MS4A6E: variants seen among roughly 807,000 people sequenced by gnomAD.
MS4A6E encodes the protein membrane spanning 4-domains A6E, also known as membrane-spanning 4-domains subfamily A member 6E.
Under a neutral mutation model 13.2 loss-of-function variants are expected in MS4A6E, and 8 were observed. That is an observed-to-expected ratio of 0.60 (90% CI 0.35 to 1.09). MS4A6E has a LOEUF of 1.09. MS4A6E is among the 50% of genes least tolerant of loss of function. MS4A6E has a pLI of 0.02. For missense variants in MS4A6E, 177 were observed against 171.1 expected, an observed-to-expected ratio of 1.03 and a Z score of -0.19; for synonymous variants, 72 against 67.6, an observed-to-expected ratio of 1.06 and a Z score of -0.32.
intron 1 of MS4A6E, among the ~76,000 whole-genome samples, chr11:60,330,631 G>A (rs1247172364): frequency 1.9e-4 from 29 of 152,026 alleles, no homozygotes; most frequent in Admixed American, 1.8e-3. Flanking sequence ...AAGCCACCGC[G>A]CCTGGCCAAT....
At chr11:60,343,823 G>A (rs2085243737), downstream of MS4A6E, among the ~76,000 whole-genome samples, 1 of 152,156 alleles carries the variant, frequency 6.6e-6, no homozygotes, top group African/African-American at 2.4e-5. Flanking sequence ...GGCTGTCAGA[G>A]GTTGCTCTCT....
At chr11:60,348,764 G>A (rs1246846393) in intron 4 of MS4A6E, among the ~76,000 whole-genome samples, 1 of 152,230 alleles carries the variant, frequency 6.6e-6, no homozygotes, top group Non-Finnish European at 1.5e-5. Context: ...CCAGTAACCT[G>A]GGGGATTGGC....
downstream of MS4A6E, among the ~76,000 whole-genome samples, chr11:60,346,052 T>C (rs2085254983): frequency 6.6e-6 from 1 of 152,140 alleles, no homozygotes; most frequent in Non-Finnish European, 1.5e-5. Context: ...TTTGAGCCAC[T>C]GGAGCTGGAG....
chr11:60,342,745 T>C (rs533725426), downstream of MS4A6E, among the ~76,000 whole-genome samples: 1 of 152,360 alleles, frequency 6.6e-6, no homozygotes, highest in Admixed American at 6.5e-5. Flanking sequence ...CCTTTTCTAT[T>C]GGCACAACTG....
downstream of MS4A6E, among the ~76,000 whole-genome samples, chr11:60,343,348 T>G (rs146337568): frequency 1.2e-4 from 18 of 152,312 alleles, no homozygotes; most frequent in Middle Eastern, 3.4e-3. Flanking sequence ...ACCTTTTTTT[T>G]GCATAAGTGT....
At chr11:60,328,629 T>A (rs2085134868) in intron 1 of MS4A6E, among the ~76,000 whole-genome samples, 1 of 152,146 alleles carries the variant, frequency 6.6e-6, no homozygotes, top group Admixed American at 6.5e-5. Context: ...GAGAAACTTA[T>A]GCTAAGTAAA....
At chr11:60,347,131 T>C (rs1464371685) in intron 4 of MS4A6E, among the ~76,000 whole-genome samples, 1 of 152,080 alleles carries the variant, frequency 6.6e-6, no homozygotes, top group Non-Finnish European at 1.5e-5. Flanking sequence ...GCTGGTGGCA[T>C]GGTTAGTGGG....
rs977092735 is a variant in MS4A6E at position 60,327,345 on chromosome 11, A to G, written c.-78A>G. Among the ~76,000 whole-genome samples the G allele has an allele frequency of 4.6e-5, 7 of 152,324 alleles. No homozygotes were observed. Among genetic ancestry groups the G allele is most frequent in the Admixed American group, 1.3e-4 (2 of 15,300 alleles). On this transcript the variant is annotated 5_prime_UTR_variant, in exon 1 of 5. Coordinates refer to ENST00000684409, the MANE Select transcript of MS4A6E (RefSeq NM_139249.4). Reference sequence around the variant, plus strand: ...CAAGATACCATCTTGGAAGCAAGCAACGTGACCCTAAGTAGATGCTGAACC... The same window carrying G: ...CAAGATACCATCTTGGAAGCAAGCAGCGTGACCCTAAGTAGATGCTGAACC...
In MS4A6E at chr11:60,340,913, C is replaced by T. The variant is rs935249240; in HGVS notation, c.*147C>T. ...AACCTAACCATTATAAAAAAGCAAA[C>T]TTGAGTTTCCTAAATGTAAGCATTT... On this transcript the variant is annotated 3_prime_UTR_variant, in exon 5 of 5. Transcript: ENST00000684409. 2.0e-5 allele frequency: 3 copies of T among 153,436 alleles called. No homozygotes were observed. The highest frequency in any genetic ancestry group is 7.2e-5 in the African/African-American group (3 of 41,450). 9.5% of individuals were successfully genotyped at this position (153,436 alleles called of 1,614,324 possible).
At chr11:60,331,481 CT>C (rs2085155530) in intron 1 of MS4A6E, among the ~76,000 whole-genome samples, 1 of 152,020 alleles carries the variant, frequency 6.6e-6, no homozygotes, top group Non-Finnish European at 1.5e-5. Flanking sequence ...ATGACACTGA[CT>C]TTTGTTTTTG....
chr11:60,334,218 C>T (rs1033427539), intron 1 of MS4A6E, among the ~76,000 whole-genome samples: 1 of 152,114 alleles, frequency 6.6e-6, no homozygotes, highest in African/African-American at 2.4e-5. Flanking sequence ...GTACTGAAGG[C>T]GGACACCAGG....
chr11:60,336,740 C>T (rs1293884334), intron 2 of MS4A6E, among the ~76,000 whole-genome samples: 1 of 152,078 alleles, frequency 6.6e-6, no homozygotes, highest in Non-Finnish European at 1.5e-5. Context: ...AAGAAGTGCC[C>T]ATATGGGATT....
intron 3 of MS4A6E, among the ~76,000 whole-genome samples, chr11:60,339,468 A>C (rs1054034705): frequency 2.0e-5 from 3 of 152,156 alleles, no homozygotes; most frequent in Non-Finnish European, 2.9e-5. Flanking sequence ...AGAAAGAAAG[A>C]GACTTGTCCA....
At chr11:60,339,460 A>G (rs1406430861) in intron 3 of MS4A6E, among the ~76,000 whole-genome samples, 1 of 152,190 alleles carries the variant, frequency 6.6e-6, no homozygotes, top group African/African-American at 2.4e-5. Flanking sequence ...GGAGCTAGAG[A>G]AAGAAAGAGA....
intron 2 of MS4A6E, 30 bp downstream of exon 2, chr11:60,335,072 G>T: frequency 6.2e-7 from 1 of 1,612,298 alleles, no homozygotes; most frequent in Non-Finnish European, 8.5e-7. Flanking sequence ...TGTTGGAGAG[G>T]GGTTAGGGGA....
rs1360634478 is a variant in MS4A6E at position 60,337,785 on chromosome 11, C to T, written c.192C>T (p.Ala64=). The T allele has an allele frequency of 1.9e-6, 3 of 1,614,034 alleles. No homozygotes were observed. In the African/African-American group the frequency reaches 4.0e-5, roughly 22 times the overall value. The change falls in exon 3 of 5, where the codon GCC becomes GCT. Residue 64 remains alanine (A), a synonymous_variant. Coordinates refer to ENST00000684409, the MANE Select transcript of MS4A6E (RefSeq NM_139249.4). ...LAGSILSALS[A]LVGFILLSVN... ...GAAGCATTCTGAGTGCTCTGTCTGC[C>T]CTGGTGGGTTTCATTCTCCTGTCTG...
chr11:60,342,287 C>T (rs562924025), downstream of MS4A6E, among the ~76,000 whole-genome samples: 3 of 152,030 alleles, frequency 2.0e-5, no homozygotes, highest in Non-Finnish European at 1.5e-5. Flanking sequence ...TGCCACCTTC[C>T]GCCACAGGAG....
downstream of MS4A6E, among the ~76,000 whole-genome samples, chr11:60,344,455 A>G (rs1001210413): frequency 6.6e-6 from 1 of 152,214 alleles, no homozygotes; most frequent in Non-Finnish European, 1.5e-5. Context: ...ACAAGCATTA[A>G]CAACCTGTTT....
chr11:60,329,405 T>C (rs974133546), intron 1 of MS4A6E, among the ~76,000 whole-genome samples: 15 of 152,224 alleles, frequency 9.9e-5, no homozygotes, highest in African/African-American at 3.6e-4. Context: ...GATGGGCATT[T>C]GGGTTGGTTG....
Sources: allele counts gnomAD v4.1 joint callset (sites outside exome capture counted in the v4.1 genomes callset), GRCh38; gene constraint gnomAD v4.1.1; transcripts MANE v1.5; gene names NCBI Gene and HGNC (gene_info 2026-07-23, HGNC 2026-07-21).